The following CLDN11 variants were observed in gnomAD, a reference collection of about 807,000 sequenced individuals.
CLDN11 encodes the protein claudin-11.
In CLDN11, 1 loss-of-function variant was observed where a neutral mutation model predicts 18.0. That is an observed-to-expected ratio of 0.06 (90% CI 0.02 to 0.26). The LOEUF is 0.26. Among genes scored for constraint, CLDN11 ranks in the 10% least tolerant of loss-of-function variants. The pLI, the probability that CLDN11 is intolerant of heterozygous loss-of-function variation, is 1.00. For missense variants in CLDN11, 172 were observed against 276.6 expected (o/e 0.62, Z 2.68); for synonymous variants, 116 against 121.5 (o/e 0.96, Z 0.30).
chr3:170,420,484 TTC>T (rs1738698087), intron 1 of CLDN11, among the ~76,000 whole-genome samples: 1 of 152,202 alleles, frequency 6.6e-6, no homozygotes, highest in Non-Finnish European at 1.5e-5. Flanking sequence ...AATCCCTCCT[TTC>T]TCCTTGCTGC....
chr3:170,429,958 T>A (rs945974207), intron 2 of CLDN11, among the ~76,000 whole-genome samples: 1 of 152,260 alleles, frequency 6.6e-6, no homozygotes, highest in Non-Finnish European at 1.5e-5. Flanking sequence ...ATCGGTTAGA[T>A]TGAACCATAT....
In CLDN11 at chr3:170,424,540, GT is replaced by G. The variant is rs373612136; in HGVS notation, c.391+1220del. On this transcript the variant is annotated intron_variant, in intron 2 of 2. Transcript: ENST00000064724. ...CTCGTCAGTGATTTAATTTCTCTCC[GT>G]TTTTTTCCCTCAGATGCTAGTTTCA... Among the ~76,000 whole-genome samples the G allele has an allele frequency of 3.3e-5, 5 of 152,218 alleles. No individual in the cohort carries two copies. The East Asian group carries it at 9.6e-4, about 29-fold the overall frequency.
chr3:170,426,302 G>C (rs536680582), intron 2 of CLDN11, among the ~76,000 whole-genome samples: 30 of 152,348 alleles, frequency 2.0e-4, no homozygotes, highest in African/African-American at 5.3e-4. Flanking sequence ...AGTTACGTTT[G>C]ATGGTGTGAG....
chr3:170,420,199 C>T (rs552916266), intron 1 of CLDN11, among the ~76,000 whole-genome samples: 19 of 152,242 alleles, frequency 1.2e-4, no homozygotes, highest in Non-Finnish European at 1.2e-4. Flanking sequence ...GCGACAGCCT[C>T]AATTCAGATT....
Position 170,433,027 on chromosome 3 carries a change from C to G in CLDN11, c.*271C>G. On this transcript the variant is annotated 3_prime_UTR_variant, in exon 3 of 3. Transcript: ENST00000064724. Reference sequence around the variant, plus strand: ...AGCTCTTTTCTTGGGCATTCTTTTGCTGTTTATTAAAAATATATTATATAT... The same window carrying G: ...AGCTCTTTTCTTGGGCATTCTTTTGGTGTTTATTAAAAATATATTATATAT... 1 of 196,500 alleles carries G rather than the reference C, an allele frequency of 5.1e-6. No individual in the cohort carries two copies. Among genetic ancestry groups the G allele is most frequent in the South Asian group, 1.1e-4 (1 of 8,890 alleles). The allele number at this position is 196,500 out of a possible 1,614,324, so 12.2% of individuals were successfully genotyped here.
At chr3:170,422,967 C>T in intron 1 of CLDN11, 196 bp from the exon 2 acceptor site, 1 of 602,276 alleles carries the variant, frequency 1.7e-6, no homozygotes, top group South Asian at 2.4e-5. Context: ...TTAGTTTCTC[C>T]AGCCCCCTTT....
chr3:170,426,942 C>T (rs1480542312), intron 2 of CLDN11, among the ~76,000 whole-genome samples: 5 of 152,064 alleles, frequency 3.3e-5, no homozygotes, highest in South Asian at 2.1e-4. Context: ...CCACCATGCC[C>T]GGCTAATTTT....
chr3:170,432,248 TA>T (rs1577473931), intron 2 of CLDN11, among the ~76,000 whole-genome samples: 1 of 152,250 alleles, frequency 6.6e-6, no homozygotes, highest in Non-Finnish European at 1.5e-5. Flanking sequence ...TACAAATAAA[TA>T]TTTTTTGGAC....
Position 170,422,978 on chromosome 3 carries a change from T to A in CLDN11, c.227-185T>A, listed in dbSNP as rs762672675. The stretch of plus-strand genomic sequence containing the variant: ...CCATTTAGTTTCTCCAGCCCCCTTT[T>A]TTCTTGCTGAGTTGTTTTAAAAGTT... On this transcript the variant is annotated intron_variant, in intron 1 of 2. Transcript: ENST00000064724. 26 of 631,732 alleles carry A rather than the reference T, an allele frequency of 4.1e-5. No homozygotes were observed. The Admixed American group carries it at 6.9e-4, about 17-fold the overall frequency. The allele number at this position is 631,732 out of a possible 1,614,324, so 39.1% of individuals were successfully genotyped here.
At chr3:170,431,722 A>G (rs1336266381) in intron 2 of CLDN11, among the ~76,000 whole-genome samples, 2 of 152,246 alleles carry the variant, frequency 1.3e-5, no homozygotes, top group Non-Finnish European at 2.9e-5. Context: ...TAAAATCAAA[A>G]CCAAAATGAA....
At chr3:170,422,411 C>T (rs1738746835) in intron 1 of CLDN11, among the ~76,000 whole-genome samples, 1 of 151,958 alleles carries the variant, frequency 6.6e-6, no homozygotes, top group African/African-American at 2.4e-5. Flanking sequence ...ATTATCAATA[C>T]TTTGTTTGTT....
rs1318999136 is a variant in CLDN11 at position 170,419,814 on chromosome 3, A to G, written c.226+522A>G. On this transcript the variant is annotated intron_variant, in intron 1 of 2. Transcript: ENST00000064724. This position sits in a 1 kb window ranked among gnomAD's most constrained non-coding sequence, Gnocchi z 8.6. ...CCCCCGGCCAGGTTAGAGCCCTCCT[A>G]GCTCCGTCCGCGCAGCCGCTGAGCA... is the stretch of plus-strand genomic sequence containing the variant. 1.3e-5 allele frequency among the ~76,000 whole-genome samples: 2 copies of G among 152,200 alleles called. No homozygotes were observed. The highest frequency in any genetic ancestry group is 2.9e-5 in the Non-Finnish European group (2 of 68,026).
At chr3:170,423,076 A>T (rs1313710156) in intron 1 of CLDN11, 87 bp from the exon 2 acceptor site, 1 of 1,370,318 alleles carries the variant, frequency 7.3e-7, no homozygotes, top group East Asian at 2.3e-5. Flanking sequence ...GGAGGAAGGG[A>T]GATGGTGCTG....
rs1739058527 is a variant in CLDN11 at position 170,433,391 on chromosome 3, T to G, written c.*635T>G. 1 of 152,168 alleles carries G rather than the reference T, an allele frequency of 6.6e-6. No homozygotes were observed. The highest frequency in any genetic ancestry group is 2.1e-4 in the South Asian group (1 of 4,820). The allele number at this position is 152,168 out of a possible 1,614,324, so 9.4% of individuals were successfully genotyped here. ...CCTGGACTCAAAGTATCCTCCCGCC[T>G]CGGCCTCCCAAAGTGTTGGGATTAT... On this transcript the variant is annotated 3_prime_UTR_variant, in exon 3 of 3. Coordinates refer to ENST00000064724, the MANE Select transcript of CLDN11 (RefSeq NM_005602.6).
Position 170,432,843 on chromosome 3 carries a change from C to A in CLDN11, c.*87C>A. 7.7e-7 allele frequency: 1 copy of A among 1,300,420 alleles called. No individual in the cohort carries two copies. 80.6% of individuals were successfully genotyped at this position (1,300,420 alleles called of 1,614,324 possible). A position where few individuals can be genotyped will look rare whatever the true frequency, so the allele number is the denominator to read the frequency against. The stretch of plus-strand genomic sequence containing the variant: ...TCGTCACAGTGTGGGGAAGCCCATT[C>A]CTCTGCCAGGCTCTAAAGCCAAAGG... On this transcript the variant is annotated 3_prime_UTR_variant, in exon 3 of 3. Transcript: ENST00000064724.
At chr3:170,430,522 A>AT (rs1469532516) in intron 2 of CLDN11, among the ~76,000 whole-genome samples, 1 of 143,232 alleles carries the variant, frequency 7.0e-6, no homozygotes, top group African/African-American at 2.6e-5. Context: ...ATATGGATAG[A>AT]TTTTAGCTTC....
At chr3:170,428,405 T>A (rs1002625497) in intron 2 of CLDN11, among the ~76,000 whole-genome samples, 3 of 152,250 alleles carry the variant, frequency 2.0e-5, no homozygotes, top group Admixed American at 1.3e-4. Context: ...ATTTTCTGTT[T>A]GGTCACATCA....
intron 2 of CLDN11, among the ~76,000 whole-genome samples, chr3:170,428,251 T>G (rs1052200822): frequency 5.3e-5 from 8 of 152,202 alleles, no homozygotes; most frequent in African/African-American, 1.9e-4. Flanking sequence ...CTCTCAGTTG[T>G]TACCTCCAAC....
chr3:170,419,921 G>GCCCCCGCTA lies in CLDN11; in HGVS notation c.226+637_226+645dup, dbSNP rs1738682181. Among the ~76,000 whole-genome samples, 1 of 152,218 alleles carries GCCCCCGCTA rather than the reference G, an allele frequency of 6.6e-6. No individual in the cohort carries two copies. The highest frequency in any genetic ancestry group is 1.9e-4 in the East Asian group (1 of 5,192). ...GCACGTGCCCAGGGCCATCTCCGCT[G>GCCCCCGCTA]CCCCCGCTACCCCCGCCCCTGCTGT... On this transcript the variant is annotated intron_variant, in intron 1 of 2. Transcript: ENST00000064724. The surrounding 1 kb of genome is among the most constrained non-coding windows in gnomAD (Gnocchi z 8.6).
Sources: gnomAD v4.1 joint callset for allele counts (sites outside exome capture counted in the v4.1 genomes callset) on GRCh38, gnomAD v4.1.1 for gene constraint, Gnocchi (gnomAD v3.1) non-coding constraint, MANE v1.5 for transcripts, NCBI Gene and HGNC (gene_info 2026-07-23, HGNC 2026-07-21) for gene names.